The following DNAH10 variants were observed in gnomAD, a reference collection of about 807,000 sequenced individuals.
DNAH10 encodes the protein dynein axonemal heavy chain 10.
Under a neutral mutation model 506.6 loss-of-function variants are expected in DNAH10, and 348 were observed. The observed-to-expected ratio is 0.69, with a 90% CI of 0.63 to 0.75. The LOEUF (loss-of-function observed/expected upper bound fraction) is 0.75. Among genes scored for constraint, DNAH10 ranks in the 30% least tolerant of loss-of-function variants. DNAH10 has a pLI of 0.00. For synonymous variants in DNAH10, 2,059 were observed against 2,198.6 expected (o/e 0.94, Z 1.78); for missense variants, 5,179 against 5,787.1 (o/e 0.89, Z 3.41).
intron 51 of DNAH10, among the ~76,000 whole-genome samples, chr12:123,883,875 G>A (rs1355729720): frequency 2.0e-5 from 3 of 152,066 alleles, no homozygotes; most frequent in African/African-American, 7.2e-5. Context: ...CTGGGTGTGT[G>A]GTGCAGGACG....
At chr12:123,932,571 A>G (rs1175960594) in intron 76 of DNAH10, 1 of 155,588 alleles carries the variant, frequency 6.4e-6, no homozygotes, top group Non-Finnish European at 1.4e-5. Context: ...AAATTCTGAC[A>G]GTGGAAGAGT....
chr12:123,898,030 G>A (rs1039599758), intron 55 of DNAH10, 63 bp downstream of exon 55: 28 of 1,426,488 alleles, frequency 2.0e-5, no homozygotes, highest in Non-Finnish European at 2.4e-5. Flanking sequence ...GGATTCGAGC[G>A]CTGATCTTTT....
At chr12:123,873,733 G>T (rs1379757418) in intron 46 of DNAH10, 23 bp downstream of exon 46, 3 of 1,590,272 alleles carry the variant, frequency 1.9e-6, no homozygotes, top group Non-Finnish European at 2.6e-6. Flanking sequence ...TCAAGCAGGT[G>T]GAGGGATGGG....
chr12:123,859,536 G>T (rs908495110), intron 38 of DNAH10, among the ~76,000 whole-genome samples: 1 of 152,118 alleles, frequency 6.6e-6, no homozygotes, highest in African/African-American at 2.4e-5. Context: ...ATCTTATAAG[G>T]ATATTTTGAA....
intron 50 of DNAH10, among the ~76,000 whole-genome samples, chr12:123,881,003 G>C (rs1952485019): frequency 6.6e-6 from 1 of 151,978 alleles, no homozygotes; most frequent in Non-Finnish European, 1.5e-5. Context: ...TGGATGCATA[G>C]TATTCCATGG....
chr12:123,817,401 A>T lies in DNAH10; in HGVS notation c.3781-1549A>T, dbSNP rs1180818967. 2.0e-5 allele frequency among the ~76,000 whole-genome samples: 3 copies of T among 151,498 alleles called. No homozygotes were observed. The East Asian group carries it at 5.8e-4, about 29-fold the overall frequency. ...TTTCTGCCTTTTCTTTCTGTGGTTT[A>T]TTCTAATACTTTGTCCTAAACTTTA... On this transcript the variant is annotated intron_variant, in intron 21 of 78. Coordinates refer to ENST00000673944, the MANE Select transcript of DNAH10 (RefSeq NM_001372106.1).
intron 8 of DNAH10, among the ~76,000 whole-genome samples, chr12:123,784,855 CTT>C (rs1477910411): frequency 6.6e-6 from 1 of 152,214 alleles, no homozygotes; most frequent in Non-Finnish European, 1.5e-5. Flanking sequence ...TGTGCAGTCT[CTT>C]TCACTCAGCA....
intron 5 of DNAH10, among the ~76,000 whole-genome samples, chr12:123,774,643 GCTAGTTAA>G (rs1957373095): frequency 6.6e-6 from 1 of 152,216 alleles, no homozygotes; most frequent in Admixed American, 6.5e-5. Flanking sequence ...AAATAGGTGG[GCTAGTTAA>G]CTGCAGCAGG....
rs773625569 is a variant in DNAH10, at chr12:123,864,626, C to T, written c.6940C>T (p.Leu2314=). ...YILFDGDVDA[L]WVENMNSVMD... is the part of the protein sequence containing the mutation. Reference sequence around the variant, plus strand: ...TTTATTTGATGGTGATGTGGATGCTCTATGGGTGGAAAACATGAATTCTGT... The same window carrying T: ...TTTATTTGATGGTGATGTGGATGCTTTATGGGTGGAAAACATGAATTCTGT... The change falls in exon 40 of 79, where the codon CTA becomes TTA. Residue 2314 remains leucine, a synonymous_variant. Transcript: ENST00000673944. 109 of 1,613,836 alleles carry T rather than the reference C, an allele frequency of 6.8e-5. No homozygotes were observed. Among genetic ancestry groups the T allele is most frequent in the Non-Finnish European group, 8.6e-5 (102 of 1,179,908 alleles).
Position 123,785,863 on chromosome 12 carries a change from C to T in DNAH10, c.1348C>T (p.Pro450Ser), listed in dbSNP as rs1307652732. ...CTACAACAAAGACGAGAGGATGATT[C>T]CGCTCATGGAGCGCATCGCCTGGGA... is the stretch of plus-strand genomic sequence containing the variant. Reference protein sequence around the residue: ...RHYNKDERMIPLMERIAWEIA... With the variant: ...RHYNKDERMISLMERIAWEIA... Residue 450 changes from proline (P) to serine (S), a missense_variant, in exon 9 of 79, where the codon CCG (proline) becomes TCG (serine). By Grantham distance (74) the Pro-to-Ser change is moderately conservative. Transcript: ENST00000673944. This position sits in a 1 kb window ranked among gnomAD's most constrained non-coding sequence, Gnocchi z 4.1. The T allele has an allele frequency of 6.2e-7, 1 of 1,614,136 alleles. No homozygotes were observed. The highest frequency in any genetic ancestry group is 2.2e-5 in the East Asian group (1 of 44,888).
At chr12:123,929,197 A>C (rs1469657520) in intron 70 of DNAH10, 78 bp from the exon 71 acceptor site, 2 of 1,419,314 alleles carry the variant, frequency 1.4e-6, no homozygotes, top group Admixed American at 3.9e-5. Flanking sequence ...AGGAAAGCGC[A>C]GTGCCTGCAT....
At position 123,914,537 on chromosome 12, in the gene DNAH10, G is replaced by T. The variant is rs1239278192; in HGVS notation, c.10561G>T (p.Val3521Phe). ...GCTGGAAAGCCTGCTCACGGATGAT[G>T]TTGAGATCAGCAGGTGTGTGGCACC... is the stretch of plus-strand genomic sequence containing the variant. The part of the protein sequence containing the change: ...FRLESLLTDD[V>F]EISRWGSQGL... The change falls in exon 61 of 79, where the codon GTT (valine) becomes TTT (phenylalanine). Residue 3521 changes from valine (V) to phenylalanine (F), a missense_variant. Around this residue, in one of 3 missense-constraint regions of DNAH10, gnomAD observed 4,844 missense variants for 5,430.5 expected, o/e 0.89. Transcript: ENST00000673944. 1 of 1,613,042 alleles carries T rather than the reference G, an allele frequency of 6.2e-7. No individual in the cohort carries two copies. Among genetic ancestry groups the T allele is most frequent in the Non-Finnish European group, 8.5e-7 (1 of 1,179,666 alleles).
rs115784781 is a variant in DNAH10, at chr12:123,841,070, A to G, written c.5137-252A>G. 6.0e-3 allele frequency among the ~76,000 whole-genome samples: 910 copies of G among 152,342 alleles called. 11 individuals are homozygous for G. The highest frequency in any genetic ancestry group is 0.021 in the African/African-American group (866 of 41,576). On this transcript the variant is annotated intron_variant, in intron 29 of 78. Transcript: ENST00000673944. The stretch of plus-strand genomic sequence containing the variant: ...TCCCCACTCCAGCAGGGTTAGGGAC[A>G]GAGTCTGCTTTTTCTTTCTCTTTTC...
At chr12:123,848,680 C>T (rs1293858857) in intron 33 of DNAH10, 50 bp from the exon 34 acceptor site, 2 of 1,605,290 alleles carry the variant, frequency 1.2e-6, no homozygotes, top group Non-Finnish European at 1.7e-6. Context: ...GTGTTGCTTG[C>T]AGTTTTAAAG....
intron 10 of DNAH10, among the ~76,000 whole-genome samples, 181 bp from the exon 11 acceptor site, chr12:123,789,746 C>T (rs1009383363): frequency 6.6e-6 from 1 of 152,130 alleles, no homozygotes; most frequent in Non-Finnish European, 1.5e-5. Flanking sequence ...CAGGCAGGTG[C>T]AGACCTGGAT....
At chr12:123,810,195 C>A (rs1958877265) in intron 19 of DNAH10, among the ~76,000 whole-genome samples, 1 of 152,140 alleles carries the variant, frequency 6.6e-6, no homozygotes, top group Non-Finnish European at 1.5e-5. Flanking sequence ...TGGCAGAAAA[C>A]CCAAGGTTTA....
chr12:123,828,323 T>G (rs906472441), intron 25 of DNAH10, among the ~76,000 whole-genome samples: 2 of 152,186 alleles, frequency 1.3e-5, no homozygotes, highest in African/African-American at 2.4e-5. Flanking sequence ...AAAGGTGGCT[T>G]GCCAGTCAAA....
chr12:123,830,812 G>A, intron 26 of DNAH10, 113 bp downstream of exon 26: 1 of 1,133,326 alleles, frequency 8.8e-7, no homozygotes, highest in Non-Finnish European at 1.2e-6. Context: ...GAGCGTGGTG[G>A]TATGCCATTA....
chr12:123,916,592 G>C lies in DNAH10; in HGVS notation c.10858G>C (p.Val3620Leu), dbSNP rs1475363114. The change falls in exon 63 of 79, where the codon GTC becomes CTC. Residue 3620 changes from valine (V) to leucine (L), a missense_variant. Val to Leu is a conservative substitution (Grantham distance 32). Around this residue, in one of 3 missense-constraint regions of DNAH10, gnomAD observed 4,844 missense variants for 5,430.5 expected, o/e 0.89. Coordinates refer to ENST00000673944, the MANE Select transcript of DNAH10 (RefSeq NM_001372106.1). This position sits in a 1 kb window ranked among gnomAD's most constrained non-coding sequence, Gnocchi z 4.6. ...CAACGTCTTAGAAAAAAATATAAAA[G>C]TCTCCCAAGGACGGCAGTTTATTAT... ...IDNVLEKNIK[V>L]SQGRQFIILG... 3.1e-6 allele frequency: 5 copies of C among 1,613,836 alleles called. No homozygotes were observed. Among genetic ancestry groups the C allele is most frequent in the Non-Finnish European group, 3.4e-6 (4 of 1,179,864 alleles).
Sources: allele counts gnomAD v4.1 joint callset (sites outside exome capture counted in the v4.1 genomes callset), GRCh38; gene constraint gnomAD v4.1.1; regional missense constraint gnomAD v4.1.1; non-coding constraint Gnocchi (gnomAD v3.1); transcripts MANE v1.5; gene names NCBI Gene and HGNC (gene_info 2026-07-23, HGNC 2026-07-21).